Variants in DICER1 observed in about 807,000 individuals in gnomAD.
The protein encoded by DICER1 is dicer 1, ribonuclease III.
A neutral mutation model predicts 194.1 loss-of-function variants in DICER1; 43 were observed. That is an observed-to-expected ratio of 0.22 (90% CI 0.17 to 0.29). The LOEUF (loss-of-function observed/expected upper bound fraction) is 0.29, where lower values mean the gene tolerates loss of function less well. Among genes scored for constraint, DICER1 ranks in the 10% least tolerant of loss-of-function variants. The pLI is 1.00. For synonymous variants in DICER1, 832 were observed against 820.5 expected (o/e 1.01, Z -0.24); for missense variants, 1,608 against 2,317.0 (o/e 0.69, Z 6.28).
In DICER1 at chr14:95,094,080, C is replaced by T. The variant is rs780782755; in HGVS notation, c.5172G>A (p.Pro1724=). Residue 1724 remains proline (P), a synonymous_variant, in exon 24 of 27, where the codon CCG becomes CCA. Transcript: ENST00000343455. ...TCAGGACCCCCGGGGAGTGCTGCCG[C>T]GGGTCTTCATAAAGGTGCTTGGTTA... ...YLITKHLYED[P]RQHSPGVLTD... 4 of 1,613,912 alleles carry T rather than the reference C, an allele frequency of 2.5e-6. No individual in the cohort carries two copies. Among genetic ancestry groups the T allele is most frequent in the African/African-American group, 1.3e-5 (1 of 74,866 alleles).
At chr14:95,137,307 AAAAGGG>A (rs1489071452) in intron 1 of DICER1, among the ~76,000 whole-genome samples, 4 of 145,086 alleles carry the variant, frequency 2.8e-5, no homozygotes, top group Non-Finnish European at 6.1e-5. Context: ...AAGAAAAAGG[AAAAGGG>A]AAAGGGGAAG....
intron 1 of DICER1, among the ~76,000 whole-genome samples, chr14:95,147,539 C>T (rs550975251): frequency 6.6e-6 from 1 of 152,204 alleles, no homozygotes; most frequent in African/African-American, 2.4e-5. Flanking sequence ...AAAAAACACA[C>T]ACAAACTGTT....
At chr14:95,102,811 G>A (rs1209469645) in intron 21 of DICER1, among the ~76,000 whole-genome samples, 2 of 152,040 alleles carry the variant, frequency 1.3e-5, no homozygotes, top group Admixed American at 6.6e-5. Context: ...CAGAACTCTG[G>A]TGTCACCCTC....
intron 1 of DICER1, chr14:95,136,501 C>A (rs924694633): frequency 6.6e-6 from 1 of 152,126 alleles, no homozygotes; most frequent in African/African-American, 2.4e-5. Flanking sequence ...TGCATCACCA[C>A]GACTGGCTAA....
chr14:95,152,611 C>A (rs1196583956), intron 1 of DICER1, among the ~76,000 whole-genome samples: 2 of 152,158 alleles, frequency 1.3e-5, no homozygotes, highest in Admixed American at 1.3e-4. Flanking sequence ...TTAAGCCTGT[C>A]ATGTCTTACT....
At chr14:95,149,062 T>C (rs568688319) in intron 1 of DICER1, among the ~76,000 whole-genome samples, 1 of 152,160 alleles carries the variant, frequency 6.6e-6, no homozygotes, top group Non-Finnish European at 1.5e-5. Context: ...CAGCTGAGAC[T>C]ACAGGCACAT....
At chr14:95,094,340 A>C (rs1206944607) in intron 23 of DICER1, among the ~76,000 whole-genome samples, 184 bp from the exon 24 acceptor site, 1 of 152,224 alleles carries the variant, frequency 6.6e-6, no homozygotes, top group Non-Finnish European at 1.5e-5. Flanking sequence ...TTAATGACAA[A>C]TTAAGTACAT....
chr14:95,139,201 G>C (rs955009732), intron 1 of DICER1, among the ~76,000 whole-genome samples: 1 of 152,124 alleles, frequency 6.6e-6, no homozygotes, highest in African/African-American at 2.4e-5. Flanking sequence ...ACAGAGGCTT[G>C]GGGTATAGTC....
chr14:95,149,317 T>C (rs1365952416), intron 1 of DICER1, among the ~76,000 whole-genome samples: 1 of 152,222 alleles, frequency 6.6e-6, no homozygotes, highest in Admixed American at 6.5e-5. Flanking sequence ...AGCAAATATA[T>C]TAAAAGGTCC....
intron 8 of DICER1, among the ~76,000 whole-genome samples, chr14:95,121,916 G>T (rs888914084): frequency 6.6e-6 from 1 of 151,942 alleles, no homozygotes; most frequent in Admixed American, 6.6e-5. Context: ...TAGGAGAGTA[G>T]AAAACTGCAT....
Position 95,126,724 on chromosome 14 carries a change from A to C in DICER1, c.759T>G (p.Ile253Met). 6.2e-7 allele frequency: 1 copy of C among 1,611,180 alleles called. No homozygotes were observed. ...CAGTAAATGGTCCACAATCCACCAC[A>C]ATCTCACATGGCTGAGAAGTATACC... ...LDRYTSQPCE[I>M]VVDCGPFTDR... Residue 253 changes from isoleucine (I) to methionine (M), a missense_variant, in exon 7 of 27, where the codon ATT becomes ATG. Coordinates refer to ENST00000343455, the MANE Select transcript of DICER1 (RefSeq NM_177438.3).
chr14:95,124,305 C>T lies in DICER1; in HGVS notation c.1267G>A (p.Glu423Lys). 3 of 1,613,916 alleles carry T rather than the reference C, an allele frequency of 1.9e-6. No homozygotes were observed. Among genetic ancestry groups the T allele is most frequent in the Non-Finnish European group, 2.5e-6 (3 of 1,179,916 alleles). The stretch of plus-strand genomic sequence containing the variant: ...TCTGGCTTCTCTTTTTCTTCAATTT[C>T]TTCATCCTCATCATCATCCTCAGAA... Reference protein sequence around the residue: ...SDSEDDDEDEEIEEKEKPETN... With the variant: ...SDSEDDDEDEKIEEKEKPETN... Residue 423 changes from glutamate (E) to lysine (K), a missense_variant, in exon 8 of 27, where the codon GAA (glutamate) becomes AAA (lysine). Around this residue, in one of 10 missense-constraint regions of DICER1, gnomAD observed 657 missense variants for 910.1 expected, o/e 0.72. Coordinates refer to ENST00000343455, the MANE Select transcript of DICER1 (RefSeq NM_177438.3). This position sits in a 1 kb window ranked among gnomAD's most constrained non-coding sequence, Gnocchi z 4.5.
At chr14:95,147,177 C>A (rs1382768125) in intron 1 of DICER1, among the ~76,000 whole-genome samples, 1 of 152,136 alleles carries the variant, frequency 6.6e-6, no homozygotes, top group African/African-American at 2.4e-5. Flanking sequence ...TTGAAAACAT[C>A]CTCCCAGCCG....
Position 95,090,444 on chromosome 14 carries a change from T to G in DICER1, c.*54A>C. 1 of 1,589,722 alleles carries G rather than the reference T, an allele frequency of 6.3e-7. No homozygotes were observed. The highest frequency in any genetic ancestry group is 8.6e-7 in the Non-Finnish European group (1 of 1,159,758). ...AGTCTTCCTTTCCGATTTAAATAATTTTCCCCTTAATTTTTTTTGTTTTGT... is the reference window on the plus strand; with the variant it reads ...AGTCTTCCTTTCCGATTTAAATAATGTTCCCCTTAATTTTTTTTGTTTTGT... On this transcript the variant is annotated 3_prime_UTR_variant, in exon 27 of 27. Coordinates refer to ENST00000343455, the MANE Select transcript of DICER1 (RefSeq NM_177438.3).
intron 13 of DICER1, 96 bp downstream of exon 13, chr14:95,112,076 C>A (rs1371794006): frequency 5.6e-6 from 6 of 1,075,424 alleles, no homozygotes; most frequent in Non-Finnish European, 8.6e-6. Context: ...AATAGCTCTA[C>A]AAAATCCTTA....
chr14:95,114,033 T>TA (rs1399470525), intron 11 of DICER1, among the ~76,000 whole-genome samples: 1 of 152,020 alleles, frequency 6.6e-6, no homozygotes, highest in East Asian at 1.9e-4. Context: ...ACACTGAAAA[T>TA]AGAGATATCA....
At chr14:95,125,490 G>A (rs1301376852) in intron 7 of DICER1, among the ~76,000 whole-genome samples, 1 of 139,202 alleles carries the variant, frequency 7.2e-6, no homozygotes, top group Non-Finnish European at 1.5e-5. Flanking sequence ...GTGTAACTGA[G>A]GAATTGAGGG....
At chr14:95,134,023 T>A (rs772322897) in intron 1 of DICER1, among the ~76,000 whole-genome samples, 9 of 152,228 alleles carry the variant, frequency 5.9e-5, no homozygotes, top group Non-Finnish European at 7.3e-5. Flanking sequence ...ATTCTTTGTA[T>A]ATTCTATGAC....
rs368535616 is a variant in DICER1, at chr14:95,124,212, C to T, written c.1360G>A (p.Ala454Thr). ...GIIFVERRYTAVVLNRLIKEA... is the reference protein window; with the variant it reads ...GIIFVERRYTTVVLNRLIKEA... ...CAGATTTACCTGTTTAAGACAACTG[C>T]TGTGTATCTTCTTTCCACAAAAATA... Residue 454 changes from alanine to threonine, a missense_variant, in exon 8 of 27, where the codon GCA becomes ACA. Physicochemically the swap from Ala to Thr is moderately conservative, Grantham distance 58. Transcript: ENST00000343455. The surrounding 1 kb of genome is among the most constrained non-coding windows in gnomAD (Gnocchi z 4.5). 1 of 1,613,346 alleles carries T rather than the reference C, an allele frequency of 6.2e-7. No homozygotes were observed. The highest frequency in any genetic ancestry group is 8.5e-7 in the Non-Finnish European group (1 of 1,179,660).
Sources: allele counts gnomAD v4.1 joint callset (sites outside exome capture counted in the v4.1 genomes callset), GRCh38; gene constraint gnomAD v4.1.1; regional missense constraint gnomAD v4.1.1; non-coding constraint Gnocchi (gnomAD v3.1); transcripts MANE v1.5; gene names NCBI Gene and HGNC (gene_info 2026-07-23, HGNC 2026-07-21).